Variants in SGCZ observed in about 807,000 individuals in gnomAD.
SGCZ encodes the protein zeta-sarcoglycan.
In SGCZ, 40 loss-of-function variants were observed where a neutral mutation model predicts 41.3. The ratio of observed to expected loss-of-function variants is 0.97; its 90% CI spans 0.75 to 1.26. SGCZ has a LOEUF of 1.26. Among genes scored for constraint, SGCZ ranks in the 50% most tolerant of loss-of-function variants. The pLI, the probability that SGCZ is intolerant of heterozygous loss-of-function variation, is 0.00. For synonymous variants in SGCZ, 206 were observed against 137.5 expected, an observed-to-expected ratio of 1.50 and a Z score of -3.49; for missense variants, 552 against 369.8, an observed-to-expected ratio of 1.49 and a Z score of -4.04.
At chr8:15,155,486 C>G (rs1799302462) in intron 1 of SGCZ, among the ~76,000 whole-genome samples, 1 of 151,970 alleles carries the variant, frequency 6.6e-6, no homozygotes, top group Non-Finnish European at 1.5e-5. Context: ...TTTTAGTATT[C>G]TAGAAAATAT....
chr8:14,927,975 A>C (rs17120612), intron 1 of SGCZ, among the ~76,000 whole-genome samples: 64,338 of 151,906 alleles, frequency 0.42, 13,970 homozygotes, highest in East Asian at 0.54. Context: ...GGTTCAGTCA[A>C]AGTCATCTCC....
At chr8:14,146,890 A>AAAAAAATAATAATAAT (rs1182329393) in intron 5 of SGCZ, among the ~76,000 whole-genome samples, 3 of 116,262 alleles carry the variant, frequency 2.6e-5, no homozygotes, top group South Asian at 5.1e-4. Flanking sequence ...AAAATAAAAA[A>AAAAAAATAATAATAAT]AATAATAATA....
intron 2 of SGCZ, among the ~76,000 whole-genome samples, chr8:14,387,798 A>T (rs1804628688): frequency 6.6e-6 from 1 of 152,136 alleles, no homozygotes; most frequent in Admixed American, 6.6e-5. Flanking sequence ...TTAGGTTACA[A>T]TGAGTTTTAG....
At chr8:14,609,971 T>G (rs11203639) in intron 1 of SGCZ, among the ~76,000 whole-genome samples, 94,069 of 151,426 alleles carry the variant, frequency 0.62, 29,295 homozygotes, top group East Asian at 0.72. Flanking sequence ...ATAAATTGAA[T>G]ACATTCATAT....
At chr8:14,362,931 T>C (rs1254738212) in intron 2 of SGCZ, among the ~76,000 whole-genome samples, 2 of 152,350 alleles carry the variant, frequency 1.3e-5, no homozygotes, top group South Asian at 2.1e-4. Context: ...TGGAGATAAC[T>C]AATATATAGT....
chr8:14,145,237 T>A (rs1183621232), intron 5 of SGCZ, among the ~76,000 whole-genome samples: 6 of 151,234 alleles, frequency 4.0e-5, no homozygotes, highest in Non-Finnish European at 4.4e-5. Context: ...GAGAGAATCT[T>A]TTTTTTTTAG....
intron 4 of SGCZ, among the ~76,000 whole-genome samples, chr8:14,187,137 G>T (rs1804933295): frequency 6.6e-6 from 1 of 152,178 alleles, no homozygotes; most frequent in African/African-American, 2.4e-5. Flanking sequence ...GTGGGTCAGG[G>T]AAGAGGCAAA....
rs537929998 is a variant in SGCZ at position 14,416,370 on chromosome 8, T to C, written c.235-92166A>G. ...GTTGTATGTCAATGTAGAAATTTTA[T>C]ATTTTTAACAAATGATCTTATTATA... On this transcript the variant is annotated intron_variant, in intron 2 of 7. Transcript: ENST00000382080. Among the ~76,000 whole-genome samples, 17 of 152,074 alleles carry C rather than the reference T, an allele frequency of 1.1e-4. No individual in the cohort carries two copies. The East Asian group carries it at 2.7e-3, about 24-fold the overall frequency.
At chr8:15,196,955 C>T (rs1472254837) in intron 1 of SGCZ, among the ~76,000 whole-genome samples, 1 of 152,182 alleles carries the variant, frequency 6.6e-6, no homozygotes, top group African/African-American at 2.4e-5. Context: ...TCTAGCAGGA[C>T]AGACTGTATT....
intron 1 of SGCZ, among the ~76,000 whole-genome samples, chr8:14,641,956 C>A (rs1392701961): frequency 1.3e-5 from 2 of 151,688 alleles, no homozygotes; most frequent in East Asian, 3.9e-4. Context: ...AAGCTACTTA[C>A]TTCCTGAACA....
chr8:14,976,397 GCAAAATCTTATATACTAATA>G (rs906261457), intron 1 of SGCZ, among the ~76,000 whole-genome samples: 33 of 152,098 alleles, frequency 2.2e-4, no homozygotes, highest in African/African-American at 7.5e-4. Context: ...ATCTAAATGT[GCAAAATCTTATATACTAATA>G]TTCCCTGTGA....
rs558544340 is a variant in SGCZ, at chr8:14,724,701, G to A, written c.40-169775C>T. ...TTATCACTAAGTGATATATATATAT[G>A]CATATTTATTTTTATGAATACATAA... On this transcript the variant is annotated intron_variant, in intron 1 of 7. Transcript: ENST00000382080. Among the ~76,000 whole-genome samples the A allele has an allele frequency of 4.3e-5, 5 of 116,590 alleles. No individual in the cohort carries two copies. In the South Asian group the frequency reaches 1.5e-3, roughly 35 times the overall value. The allele number at this position is 116,590 out of a possible 152,430, so 76.5% of individuals were successfully genotyped here.
intron 4 of SGCZ, among the ~76,000 whole-genome samples, chr8:14,171,769 A>G (rs1804390522): frequency 8.0e-6 from 1 of 124,832 alleles, no homozygotes; most frequent in South Asian, 2.3e-4. Context: ...TATCTAAGCT[A>G]TGCTTATTGA....
chr8:14,257,488 A>T (rs1799508029), intron 3 of SGCZ, among the ~76,000 whole-genome samples: 1 of 151,030 alleles, frequency 6.6e-6, no homozygotes, highest in Non-Finnish European at 1.5e-5. Context: ...ACGTATGACA[A>T]TTTTTTTTTT....
chr8:14,586,983 G>C (rs1805079437), intron 1 of SGCZ, among the ~76,000 whole-genome samples: 1 of 150,984 alleles, frequency 6.6e-6, no homozygotes, highest in South Asian at 2.1e-4. Context: ...ATACTCTTTG[G>C]AAAGTCATAT....
intron 1 of SGCZ, among the ~76,000 whole-genome samples, chr8:14,773,461 C>G (rs1016353311): frequency 6.6e-6 from 1 of 152,142 alleles, no homozygotes; most frequent in Non-Finnish European, 1.5e-5. Flanking sequence ...AATACCATTA[C>G]GTATCCAGAT....
rs111584052 is a variant in SGCZ, at chr8:15,023,929, G to A, written c.39+213656C>T. Among the ~76,000 whole-genome samples the A allele has an allele frequency of 1.1e-3, 165 of 152,208 alleles. 1 individual carries two copies. The highest frequency in any genetic ancestry group is 3.8e-3 in the African/African-American group (159 of 41,540). On this transcript the variant is annotated intron_variant, in intron 1 of 7. Coordinates refer to ENST00000382080, the MANE Select transcript of SGCZ (RefSeq NM_139167.4). ...AAGTTTCCCAGTCGGCTTTAATGAC[G>A]TCATTTGCAACAGTTAAATAGAAGA...
intron 1 of SGCZ, among the ~76,000 whole-genome samples, chr8:14,875,203 G>A (rs1000245169): frequency 4.6e-5 from 7 of 152,146 alleles, no homozygotes; most frequent in Admixed American, 3.3e-4. Flanking sequence ...ACATCATCCA[G>A]AGGAGACAAC....
At chr8:14,290,252 G>C (rs1360312662) in intron 3 of SGCZ, among the ~76,000 whole-genome samples, 1 of 152,040 alleles carries the variant, frequency 6.6e-6, no homozygotes, top group East Asian at 1.9e-4. Flanking sequence ...GAAACATAGA[G>C]GGAAATTTCC....
Sources: gnomAD v4.1 joint callset for allele counts (sites outside exome capture counted in the v4.1 genomes callset) on GRCh38, gnomAD v4.1.1 for gene constraint, MANE v1.5 for transcripts, NCBI Gene and HGNC (gene_info 2026-07-23, HGNC 2026-07-21) for gene names.